The following FARP1 variants were observed in gnomAD, a reference collection of about 807,000 sequenced individuals.
FARP1 encodes the protein FERM, ARHGEF and pleckstrin domain-containing protein 1.
FARP1 carries 52 observed loss-of-function variants against 128.8 expected under a neutral mutation model. That is an observed-to-expected ratio of 0.40 (90% CI 0.32 to 0.51). FARP1 has a LOEUF of 0.51. Ranked by LOEUF, FARP1 falls within the 20% of genes least tolerant of loss-of-function variation. FARP1 has a pLI of 0.45. For synonymous variants in FARP1, 580 were observed against 551.8 expected, an observed-to-expected ratio of 1.05 and a Z score of -0.72; for missense variants, 1,333 against 1,367.9, an observed-to-expected ratio of 0.97 and a Z score of 0.40.
rs1885183754 is a variant in FARP1, at chr13:98,286,654, TTTATCAGC to T, written c.172-57107_172-57100del. Among the ~76,000 whole-genome samples the T allele has an allele frequency of 2.0e-5, 3 of 152,324 alleles. No individual in the cohort carries two copies. In the South Asian group the frequency reaches 6.2e-4, roughly 32 times the overall value. On this transcript the variant is annotated intron_variant, in intron 2 of 26. Transcript: ENST00000319562. The stretch of plus-strand genomic sequence containing the variant: ...TAAATTGTTCTGTCTTGGGTTTCCC[TTTATCAGC>T]AGCGTGAAAATGGACTAAAACACCC...
At chr13:98,206,103 C>G (rs1398845367) in intron 1 of FARP1, among the ~76,000 whole-genome samples, 3 of 151,764 alleles carry the variant, frequency 2.0e-5, no homozygotes, top group Admixed American at 6.6e-5. Flanking sequence ...TATGAAGTAG[C>G]TCTTTGCAGG....
chr13:98,145,766 C>G (rs4771292), intron 1 of FARP1, among the ~76,000 whole-genome samples: 134,892 of 151,602 alleles, frequency 0.89, 62,165 homozygotes, highest in East Asian at 1. Flanking sequence ...AGAGGCTAAG[C>G]CAGGAGAATC....
At chr13:98,303,647 C>T (rs1052111035) in intron 2 of FARP1, among the ~76,000 whole-genome samples, 1 of 152,166 alleles carries the variant, frequency 6.6e-6, no homozygotes, top group Non-Finnish European at 1.5e-5. Flanking sequence ...AAATGCTCAA[C>T]ATACAAATGG....
chr13:98,160,463 A>T (rs952352978), intron 1 of FARP1, among the ~76,000 whole-genome samples: 1 of 152,156 alleles, frequency 6.6e-6, no homozygotes, highest in Non-Finnish European at 1.5e-5. Flanking sequence ...TTTAAAAAAA[A>T]TTTAAAAATA....
chr13:98,217,998 C>G (rs956119180), intron 2 of FARP1, among the ~76,000 whole-genome samples: 2 of 152,088 alleles, frequency 1.3e-5, no homozygotes, highest in South Asian at 2.1e-4. Flanking sequence ...GATTGGAGTC[C>G]GGCCCGCCAG....
chr13:98,344,967 C>G (rs1888120275), intron 3 of FARP1, among the ~76,000 whole-genome samples: 1 of 152,184 alleles, frequency 6.6e-6, no homozygotes, highest in Admixed American at 6.5e-5. Context: ...TGTGCCTACA[C>G]TGTGTCTGGC....
chr13:98,350,661 G>C (rs143050132), intron 3 of FARP1, among the ~76,000 whole-genome samples: 1 of 152,092 alleles, frequency 6.6e-6, no homozygotes, highest in East Asian at 1.9e-4. Context: ...CTCTCTCCTC[G>C]TGAGCACCTG....
rs1444284896 is a variant in FARP1, at chr13:98,387,134, C to T, written c.760-1249C>T. The stretch of plus-strand genomic sequence containing the variant: ...TGGTCAACATGGTGAAACCCCGTCT[C>T]TACTAAAAATACAAAAATTAGCTGG... On this transcript the variant is annotated intron_variant, in intron 8 of 26. Transcript: ENST00000319562. Among the ~76,000 whole-genome samples the T allele has an allele frequency of 2.0e-5, 3 of 152,074 alleles. No homozygotes were observed. In the East Asian group the frequency reaches 5.8e-4, roughly 29 times the overall value.
At chr13:98,177,075 G>GT (rs766324120) in intron 1 of FARP1, 1 of 1,597,370 alleles carries the variant, frequency 6.3e-7, no homozygotes, top group South Asian at 1.1e-5. Flanking sequence ...GAGCCACTGT[G>GT]TCGCCCTCGT....
intron 1 of FARP1, among the ~76,000 whole-genome samples, chr13:98,161,652 C>G (rs1054177830): frequency 6.6e-6 from 1 of 152,170 alleles, no homozygotes; most frequent in African/African-American, 2.4e-5. Flanking sequence ...AAGCCCTTGA[C>G]TATATTGTGT....
intron 1 of FARP1, chr13:98,177,293 C>T (rs1878155145): frequency 1.4e-6 from 2 of 1,380,472 alleles, no homozygotes; most frequent in Admixed American, 2.4e-5. Flanking sequence ...GTCGCCCTTG[C>T]GTCGCTGCAC....
intron 1 of FARP1, among the ~76,000 whole-genome samples, chr13:98,202,718 CT>C (rs893797969): frequency 1.6e-4 from 24 of 149,648 alleles, no homozygotes; most frequent in East Asian, 1.2e-3. Flanking sequence ...TTCTTAATTA[CT>C]TTTTTTTTTC....
intron 2 of FARP1, among the ~76,000 whole-genome samples, chr13:98,308,029 C>CTTTTTTT (rs1886253580): frequency 1.7e-5 from 2 of 114,930 alleles, no homozygotes; most frequent in African/African-American, 3.7e-5. Context: ...CCCCCACTCT[C>CTTTTTTT]TCTCTTTTTT....
At chr13:98,444,168 G>A (rs933981387) in intron 24 of FARP1, among the ~76,000 whole-genome samples, 4 of 152,118 alleles carry the variant, frequency 2.6e-5, no homozygotes, top group African/African-American at 9.7e-5. Context: ...GTCACCAGCT[G>A]TCCTCCCTGT....
chr13:98,179,253 A>G (rs1345066435), intron 1 of FARP1, among the ~76,000 whole-genome samples: 2 of 152,348 alleles, frequency 1.3e-5, no homozygotes, highest in East Asian at 3.9e-4. Context: ...GTTTGCCCTT[A>G]TAAAACCATC....
intron 16 of FARP1, among the ~76,000 whole-genome samples, chr13:98,413,318 C>G (rs1290212308): frequency 2.0e-5 from 3 of 152,134 alleles, no homozygotes; most frequent in African/African-American, 7.2e-5. Flanking sequence ...GCCACGTTAG[C>G]AAGAGTCTTG....
chr13:98,149,323 G>A (rs1251045613), intron 1 of FARP1, among the ~76,000 whole-genome samples: 4 of 151,770 alleles, frequency 2.6e-5, no homozygotes, highest in African/African-American at 7.3e-5. Context: ...CAGTATTTCC[G>A]TGGCTGGATA....
At chr13:98,223,388 C>T (rs557213802) in intron 2 of FARP1, among the ~76,000 whole-genome samples, 11 of 152,264 alleles carry the variant, frequency 7.2e-5, no homozygotes, top group African/African-American at 1.4e-4. Context: ...TGCAGTGGCA[C>T]GATATTGGCT....
chr13:98,257,440 ACTAT>A (rs141060220), intron 2 of FARP1, among the ~76,000 whole-genome samples: 6,789 of 152,140 alleles, frequency 0.045, 259 homozygotes, highest in African/African-American at 0.11. Flanking sequence ...TTCTTTCTGC[ACTAT>A]CTATTATACA....
Sources: allele counts gnomAD v4.1 joint callset (sites outside exome capture counted in the v4.1 genomes callset), GRCh38; gene constraint gnomAD v4.1.1; transcripts MANE v1.5; gene names NCBI Gene and HGNC (gene_info 2026-07-23, HGNC 2026-07-21).